PYM1: variants seen among roughly 807,000 people sequenced by gnomAD.
The protein encoded by PYM1 is partner of Y14 and mago.
Under a neutral mutation model 20.7 loss-of-function variants are expected in PYM1, and 7 were observed. That is an observed-to-expected ratio of 0.34 (90% CI 0.19 to 0.64). The LOEUF (loss-of-function observed/expected upper bound fraction) is 0.64, where lower values mean the gene tolerates loss of function less well. Ranked by LOEUF, PYM1 falls within the 30% of genes least tolerant of loss-of-function variation. The pLI is 0.74. For missense variants in PYM1, 194 were observed against 250.0 expected (o/e 0.78, Z 1.51); for synonymous variants, 100 against 99.2 (o/e 1.01, Z -0.05).
chr12:55,921,489 GATA>G (rs949355896), intron 1 of PYM1, among the ~76,000 whole-genome samples: 9 of 151,498 alleles, frequency 5.9e-5, no homozygotes, highest in African/African-American at 1.9e-4. Context: ...AGTAAAAGAT[GATA>G]ATAAAAATAA....
At chr12:55,910,833 G>A (rs1882909144) in intron 1 of PYM1, among the ~76,000 whole-genome samples, 1 of 152,184 alleles carries the variant, frequency 6.6e-6, no homozygotes, top group Non-Finnish European at 1.5e-5. Flanking sequence ...ACTCAAAGCA[G>A]GGGGCTTCCA....
intron 2 of PYM1, among the ~76,000 whole-genome samples, chr12:55,902,767 G>A (rs1262460352): frequency 6.7e-6 from 1 of 149,054 alleles, no homozygotes; most frequent in African/African-American, 2.5e-5. Context: ...GAGCCACTGC[G>A]CCTGCCTGTT....
At chr12:55,919,436 G>C (rs979014259) in intron 1 of PYM1, among the ~76,000 whole-genome samples, 2 of 152,180 alleles carry the variant, frequency 1.3e-5, no homozygotes, top group African/African-American at 4.8e-5. Flanking sequence ...TTACAGGCGT[G>C]AGCCACCACT....
At chr12:55,914,453 T>C (rs896955157) in intron 1 of PYM1, 3 of 667,008 alleles carry the variant, frequency 4.5e-6, no homozygotes, top group Admixed American at 4.6e-5. Context: ...GGACTGCTAC[T>C]GTAAGAATCT....
chr12:55,922,917 G>A (rs1487993149), intron 1 of PYM1, among the ~76,000 whole-genome samples: 1 of 151,896 alleles, frequency 6.6e-6, no homozygotes, highest in African/African-American at 2.4e-5. Flanking sequence ...TAAGATCCTG[G>A]AACAACAAAA....
chr12:55,924,374 T>C (rs705710), intron 1 of PYM1, among the ~76,000 whole-genome samples: 3 of 151,978 alleles, frequency 2.0e-5, no homozygotes, highest in African/African-American at 7.3e-5. Flanking sequence ...GCCAGGTGCA[T>C]GCTCACACCT....
chr12:55,916,496 T>G (rs1883009853), intron 1 of PYM1, among the ~76,000 whole-genome samples: 1 of 151,868 alleles, frequency 6.6e-6, no homozygotes, highest in Admixed American at 6.6e-5. Context: ...CATGTGATAA[T>G]ACTACATTTA....
intron 1 of PYM1, among the ~76,000 whole-genome samples, chr12:55,921,717 AG>A (rs1485259909): frequency 1.3e-5 from 2 of 152,220 alleles, no homozygotes; most frequent in Non-Finnish European, 2.9e-5. Context: ...AAAAACTAAA[AG>A]AGTTCCCAAT....
At chr12:55,915,008 G>A (rs751773826) in intron 1 of PYM1, among the ~76,000 whole-genome samples, 1 of 151,918 alleles carries the variant, frequency 6.6e-6, no homozygotes, top group Non-Finnish European at 1.5e-5. Flanking sequence ...GAGGTCACGA[G>A]ATGGAGACCA....
intron 1 of PYM1, among the ~76,000 whole-genome samples, chr12:55,921,861 G>A (rs931376672): frequency 6.6e-6 from 1 of 151,864 alleles, no homozygotes; most frequent in Non-Finnish European, 1.5e-5. Context: ...AAATCTCCTG[G>A]GCAGAAAAAT....
In PYM1 at chr12:55,905,892, T is replaced by TATATTAGATA. The variant is rs1440579959; in HGVS notation, c.38-2413_38-2412insTATCTAATAT. Among the ~76,000 whole-genome samples, 136 of 69,436 alleles carry TATATTAGATA rather than the reference T, an allele frequency of 2.0e-3. 5 individuals are homozygous for TATATTAGATA. Among genetic ancestry groups the TATATTAGATA allele is most frequent in the African/African-American group, 6.5e-3 (123 of 19,058 alleles). 45.6% of individuals were successfully genotyped at this position (69,436 alleles called of 152,430 possible). ...ATATATCTATTAGATATATATATTA[T>TATATTAGATA]TATATATATCTAATAGATATATATA... On this transcript the variant is annotated intron_variant, in intron 1 of 2. Coordinates refer to ENST00000408946, the MANE Select transcript of PYM1 (RefSeq NM_032345.3).
intron 1 of PYM1, among the ~76,000 whole-genome samples, chr12:55,907,099 T>C (rs1207578970): frequency 2.2e-4 from 1 of 4,648 alleles, no homozygotes; most frequent in South Asian, 9.6e-3. Context: ...AAAGTTAACA[T>C]ATATATATAT....
intron 1 of PYM1, among the ~76,000 whole-genome samples, chr12:55,919,892 C>A (rs1301559587): frequency 5.5e-5 from 8 of 146,772 alleles, no homozygotes; most frequent in Admixed American, 6.8e-5. Flanking sequence ...GACTCCGTCT[C>A]AAAAAAAAAA....
chr12:55,923,091 G>A (rs1234289887), intron 1 of PYM1, among the ~76,000 whole-genome samples: 3 of 152,032 alleles, frequency 2.0e-5, no homozygotes, highest in Non-Finnish European at 2.9e-5. Flanking sequence ...GGGCATGGTG[G>A]CACATGCCTG....
At chr12:55,912,115 G>A (rs568980034) in intron 1 of PYM1, among the ~76,000 whole-genome samples, 2 of 151,738 alleles carry the variant, frequency 1.3e-5, no homozygotes, top group South Asian at 2.1e-4. Flanking sequence ...TTGGGAAGCC[G>A]AGGCAGGTGG....
chr12:55,907,647 AAAAATTGGAGGCC>A (rs1277463065), intron 1 of PYM1, among the ~76,000 whole-genome samples: 5 of 147,270 alleles, frequency 3.4e-5, no homozygotes, highest in African/African-American at 1.0e-4. Flanking sequence ...AAAAAAAAAA[AAAAATTGGAGGCC>A]AGGCGCAGTG....
chr12:55,909,699 A>C (rs971382105), intron 1 of PYM1, among the ~76,000 whole-genome samples: 3 of 152,186 alleles, frequency 2.0e-5, no homozygotes, highest in Non-Finnish European at 4.4e-5. Context: ...TAAGAGACTA[A>C]GGGCAGATAC....
chr12:55,914,100 G>A, intron 1 of PYM1: 1 of 431,418 alleles, frequency 2.3e-6, no homozygotes, highest in Non-Finnish European at 4.1e-6. Context: ...ATGGAATTTG[G>A]GAGAAAGGGA....
intron 1 of PYM1, among the ~76,000 whole-genome samples, chr12:55,916,241 A>G (rs981928711): frequency 2.6e-5 from 4 of 152,104 alleles, no homozygotes; most frequent in Admixed American, 6.6e-5. Flanking sequence ...AGGCTGAGAC[A>G]GGAGAATTGC....
Sources: gnomAD v4.1 joint callset for allele counts (sites outside exome capture counted in the v4.1 genomes callset) on GRCh38, gnomAD v4.1.1 for gene constraint, MANE v1.5 for transcripts, NCBI Gene and HGNC (gene_info 2026-07-23, HGNC 2026-07-21) for gene names.